USP50: variants seen among roughly 807,000 people sequenced by gnomAD.
USP50 encodes ubiquitin carboxyl-terminal hydrolase 50.
Under a neutral mutation model 39.2 loss-of-function variants are expected in USP50, and 37 were observed. The ratio of observed to expected loss-of-function variants is 0.94; its 90% CI spans 0.73 to 1.24. The LOEUF (loss-of-function observed/expected upper bound fraction) is 1.24, where lower values mean the gene tolerates loss of function less well. USP50 is among the 50% of genes most tolerant of loss of function. USP50 has a pLI of 0.00. For missense variants in USP50, 374 were observed against 398.2 expected, an observed-to-expected ratio of 0.94 and a Z score of 0.52; for synonymous variants, 139 against 144.5, an observed-to-expected ratio of 0.96 and a Z score of 0.27.
chr15:50,503,891 T>C (rs1480347324), intron 6 of USP50: 2 of 152,174 alleles, frequency 1.3e-5, no homozygotes, highest in Non-Finnish European at 2.9e-5. Flanking sequence ...CAATAAGATT[T>C]AAACCCCCAA....
chr15:50,498,862 T>G, downstream of USP50: 1 of 1,562,882 alleles, frequency 6.4e-7, no homozygotes, highest in Non-Finnish European at 8.7e-7. Flanking sequence ...AAATAACAAT[T>G]TTAACTGAAT....
chr15:50,525,697 G>A (rs77764934), intron 6 of USP50, among the ~76,000 whole-genome samples: 9 of 106,930 alleles, frequency 8.4e-5, no homozygotes, highest in Middle Eastern at 4.8e-3. Context: ...ATATGTATAT[G>A]TATATATATG....
intron 5 of USP50, among the ~76,000 whole-genome samples, chr15:50,533,098 G>A (rs1471058565): frequency 6.6e-6 from 1 of 151,288 alleles, no homozygotes; most frequent in Non-Finnish European, 1.5e-5. Context: ...TTGAGCCCAG[G>A]AGTTTGAGAC....
At chr15:50,513,546 G>GAAAAA (rs2052767272) in intron 6 of USP50, 1 of 134,316 alleles carries the variant, frequency 7.4e-6, no homozygotes, top group African/African-American at 2.7e-5. Context: ...AAAGAGTGAA[G>GAAAAA]AATCAAGCCA....
At chr15:50,499,003 T>C (rs2052518891), downstream of USP50, 2 of 1,614,052 alleles carry the variant, frequency 1.2e-6, no homozygotes, top group East Asian at 2.2e-5. Context: ...GTTTCTGATA[T>C]CTCCGTTTCT....
intron 4 of USP50, among the ~76,000 whole-genome samples, chr15:50,539,460 C>T (rs3131594): frequency 0.18 from 26,474 of 148,300 alleles, 3,047 homozygotes; most frequent in East Asian, 0.46. Flanking sequence ...CCTCTGTCGC[C>T]AGGCTGAGTG....
intron 1 of USP50, among the ~76,000 whole-genome samples, chr15:50,545,462 C>T (rs2053063596): frequency 6.6e-6 from 1 of 151,484 alleles, no homozygotes; most frequent in South Asian, 2.1e-4. Flanking sequence ...TACCTCCCTC[C>T]CTCTCTCCCA....
At chr15:50,540,347 GTC>G (rs1472750429) in intron 4 of USP50, among the ~76,000 whole-genome samples, 1 of 152,130 alleles carries the variant, frequency 6.6e-6, no homozygotes, top group Non-Finnish European at 1.5e-5. Context: ...AAGAGCTCAA[GTC>G]TAAGAGTCTA....
chr15:50,529,765 T>G, intron 6 of USP50, 32 bp downstream of exon 6: 1 of 1,593,960 alleles, frequency 6.3e-7, no homozygotes, highest in Non-Finnish European at 8.5e-7. Flanking sequence ...TCTTTAAAAT[T>G]GGATTACTTT....
rs1161165867 is a variant in USP50 at position 50,543,797 on chromosome 15, GGAA to G, written c.249-7_249-5del. 7 of 1,603,892 alleles carry G rather than the reference GGAA, an allele frequency of 4.4e-6. No individual in the cohort carries two copies. The African/African-American group carries it at 8.0e-5, about 18-fold the overall frequency. On this transcript the variant is annotated splice_region_variant and splice_polypyrimidine_tract_variant and intron_variant, in intron 2 of 6. Transcript: ENST00000532404. ...AGTGGCAACTTCACTGCAATCGCTT[GGAA>G]GAAGAAAGGGATATGTTTCTGGCTG...
intron 6 of USP50, among the ~76,000 whole-genome samples, chr15:50,516,165 A>G (rs1265770277): frequency 6.6e-6 from 1 of 152,224 alleles, no homozygotes; most frequent in African/African-American, 2.4e-5. Flanking sequence ...GATTCAAATC[A>G]TACCACCACA....
At chr15:50,498,943 A>C (rs1312980575), downstream of USP50, 3 of 1,613,912 alleles carry the variant, frequency 1.9e-6, no homozygotes, top group Non-Finnish European at 2.5e-6. Context: ...TACACAGCCT[A>C]TTGTAAAAAT....
chr15:50,531,123 C>G (rs1015606014), intron 5 of USP50, among the ~76,000 whole-genome samples: 3 of 151,810 alleles, frequency 2.0e-5, no homozygotes, highest in African/African-American at 7.3e-5. Flanking sequence ...GGGAAATTAC[C>G]GCGACTGAGA....
Position 50,543,654 on chromosome 15 carries a change from C to G in USP50, c.388G>C (p.Asp130His). 6.2e-7 allele frequency: 1 copy of G among 1,613,770 alleles called. No individual in the cohort carries two copies. The highest frequency in any genetic ancestry group is 8.5e-7 in the Non-Finnish European group (1 of 1,179,802). ...YPAFTKKMQQ[D>H]AQEFLICVLN... The stretch of plus-strand genomic sequence containing the variant: ...ACACAAATCAAGAATTCCTGAGCAT[C>G]TTGTTGCATCTTTTTCGTAAATGCT... Residue 130 changes from aspartate to histidine, a missense_variant, in exon 3 of 7, where the codon GAT becomes CAT. Coordinates refer to ENST00000532404, the MANE Select transcript of USP50 (RefSeq NM_203494.5).
intron 5 of USP50, among the ~76,000 whole-genome samples, chr15:50,533,967 T>C (rs2052960812): frequency 6.6e-6 from 1 of 152,018 alleles, no homozygotes; most frequent in South Asian, 2.1e-4. Context: ...GCCACTGCCC[T>C]CCAGGCTGGG....
At chr15:50,525,556 G>GTATATATGTATATGTA (rs2052883745) in intron 6 of USP50, among the ~76,000 whole-genome samples, 2 of 89,444 alleles carry the variant, frequency 2.2e-5, no homozygotes. Context: ...GTATATATGT[G>GTATATATGTATATGTA]TATATATGTA....
chr15:50,512,988 T>C (rs1277724568), intron 6 of USP50: 2 of 152,166 alleles, frequency 1.3e-5, no homozygotes, highest in African/African-American at 4.8e-5. Flanking sequence ...TGTAAATGAC[T>C]CTTTCCAATC....
intron 6 of USP50, among the ~76,000 whole-genome samples, chr15:50,525,606 GTA>G (rs1388432721): frequency 6.2e-5 from 8 of 128,276 alleles, no homozygotes; most frequent in African/African-American, 1.5e-4. Flanking sequence ...ATATGTATAT[GTA>G]TATATGTATA....
chr15:50,494,644 ATATCCT>A (rs1276018449), intron 1 of USP50, among the ~76,000 whole-genome samples: 2 of 152,238 alleles, frequency 1.3e-5, no homozygotes, highest in Admixed American at 6.5e-5. Flanking sequence ...GTTATTGTAC[ATATCCT>A]TATTCTTTTC....
Sources: gnomAD v4.1 joint callset for allele counts (sites outside exome capture counted in the v4.1 genomes callset) on GRCh38, gnomAD v4.1.1 for gene constraint, MANE v1.5 for transcripts, NCBI Gene and HGNC (gene_info 2026-07-23, HGNC 2026-07-21) for gene names.